The following KCNQ1 variants were observed in gnomAD, a reference collection of about 807,000 sequenced individuals.
KCNQ1 encodes potassium voltage-gated channel subfamily KQT member 1.
A neutral mutation model predicts 72.4 loss-of-function variants in KCNQ1; 49 were observed. The observed-to-expected ratio is 0.68, with a 90% CI of 0.54 to 0.86. The LOEUF (loss-of-function observed/expected upper bound fraction) is 0.86. KCNQ1 is among the 40% of genes least tolerant of loss of function. KCNQ1 has a pLI of 0.00. For missense variants in KCNQ1, 790 were observed against 945.1 expected, an observed-to-expected ratio of 0.84 and a Z score of 2.15; for synonymous variants, 450 against 412.6, an observed-to-expected ratio of 1.09 and a Z score of -1.10.
chr11:2,485,754 C>T (rs889747577), intron 1 of KCNQ1, among the ~76,000 whole-genome samples: 3 of 152,140 alleles, frequency 2.0e-5, no homozygotes, highest in Non-Finnish European at 4.4e-5. Context: ...TTTGACTAAT[C>T]CAGGAACTTC....
rs995481845 is a variant in KCNQ1 at position 2,575,840 on chromosome 11, C to T, written c.921+2854C>T. Among the ~76,000 whole-genome samples the T allele has an allele frequency of 5.9e-5, 9 of 152,276 alleles. No individual in the cohort carries two copies. In the South Asian group the frequency reaches 8.3e-4, roughly 14 times the overall value. ...GTGCTGGAGCTGCCACAACAAAGTC[C>T]GCGAACTGCTGGGCCCAGAGCAACA... On this transcript the variant is annotated intron_variant, in intron 6 of 15. Coordinates refer to ENST00000155840, the MANE Select transcript of KCNQ1 (RefSeq NM_000218.3).
chr11:2,825,729 C>T (rs1034505265), intron 15 of KCNQ1, among the ~76,000 whole-genome samples: 2 of 152,200 alleles, frequency 1.3e-5, no homozygotes, highest in African/African-American at 4.8e-5. Flanking sequence ...GCAGCTCTCC[C>T]AAAGCAGTCA....
chr11:2,739,707 G>A (rs570080841), intron 11 of KCNQ1, among the ~76,000 whole-genome samples: 8 of 152,332 alleles, frequency 5.3e-5, no homozygotes, highest in African/African-American at 1.2e-4. Flanking sequence ...GACATGCTCC[G>A]TCTTAAGGCA....
rs909315089 is a variant in KCNQ1, at chr11:2,695,710, G to A, written c.1514+33629G>A. ...CTTCAGAACGTCTGTGCCTGTCTCCGTCCCCACCTGCAGCACACAGGGAGG... is the reference window on the plus strand; with the variant it reads ...CTTCAGAACGTCTGTGCCTGTCTCCATCCCCACCTGCAGCACACAGGGAGG... On this transcript the variant is annotated intron_variant, in intron 11 of 15. Coordinates refer to ENST00000155840, the MANE Select transcript of KCNQ1 (RefSeq NM_000218.3). This position sits in a 1 kb window ranked among gnomAD's most constrained non-coding sequence, Gnocchi z 5.2. The A allele has an allele frequency of 7.5e-6, 3 of 398,470 alleles. No individual in the cohort carries two copies. The highest frequency in any genetic ancestry group is 4.4e-6 in the Non-Finnish European group (1 of 226,082). 24.7% of individuals were successfully genotyped at this position (398,470 alleles called of 1,614,324 possible).
At chr11:2,692,377 T>C (rs1012722182) in intron 11 of KCNQ1, 8 of 398,672 alleles carry the variant, frequency 2.0e-5, no homozygotes, top group African/African-American at 1.6e-4. Flanking sequence ...CATTCTCACA[T>C]CCCCTGCCCC....
chr11:2,460,286 C>T (rs948551498), intron 1 of KCNQ1, among the ~76,000 whole-genome samples: 43 of 152,224 alleles, frequency 2.8e-4, no homozygotes, highest in African/African-American at 9.2e-4. Context: ...GTGCTGCTGG[C>T]CTGCATTTCT....
At chr11:2,847,253 G>C (rs1019931697) in intron 15 of KCNQ1, among the ~76,000 whole-genome samples, 4 of 152,208 alleles carry the variant, frequency 2.6e-5, no homozygotes, top group African/African-American at 9.6e-5. Flanking sequence ...CTGCCCATGA[G>C]CCAGCCTTGC....
intron 15 of KCNQ1, among the ~76,000 whole-genome samples, chr11:2,797,905 G>T (rs1361645928): frequency 6.6e-6 from 1 of 152,196 alleles, no homozygotes; most frequent in African/African-American, 2.4e-5. Flanking sequence ...TACTGTGCCA[G>T]CCTCCAGGTT....
At position 2,734,458 on chromosome 11, in the gene KCNQ1, G is replaced by A. The variant is rs966307751; in HGVS notation, c.1515-34386G>A. On this transcript the variant is annotated intron_variant, in intron 11 of 15. Coordinates refer to ENST00000155840, the MANE Select transcript of KCNQ1 (RefSeq NM_000218.3). This position sits in a 1 kb window ranked among gnomAD's most constrained non-coding sequence, Gnocchi z 7.0. ...GGGGCCCCGCAGCCAGCTGTGCTGG[G>A]CAAGGCAGGACGGGATCCTTGGTGA... 2.0e-5 allele frequency among the ~76,000 whole-genome samples: 3 copies of A among 152,248 alleles called. No homozygotes were observed. The highest frequency in any genetic ancestry group is 1.5e-5 in the Non-Finnish European group (1 of 68,052).
intron 11 of KCNQ1, chr11:2,675,279 C>A (rs190163949): frequency 5.0e-6 from 2 of 398,566 alleles, no homozygotes; most frequent in Non-Finnish European, 8.8e-6. Flanking sequence ...ACTCACCTCT[C>A]CCAAAAGCAG....
Position 2,669,323 on chromosome 11 carries a change from C to T in KCNQ1, c.1514+7242C>T, listed in dbSNP as rs546651752. ...ATATGCCAGTTGCCATGGAAAGCCT[C>T]CTCTAGGCGCAGCAGCCTCTAGATG... On this transcript the variant is annotated intron_variant, in intron 11 of 15. Transcript: ENST00000155840. This position sits in a 1 kb window ranked among gnomAD's most constrained non-coding sequence, Gnocchi z 5.6. The T allele has an allele frequency of 2.5e-6, 1 of 398,506 alleles. No individual in the cohort carries two copies. The highest frequency in any genetic ancestry group is 1.3e-4 in the South Asian group (1 of 7,856). The allele number at this position is 398,506 out of a possible 1,614,324, so 24.7% of individuals were successfully genotyped here. A position where few individuals can be genotyped will look rare whatever the true frequency, so the allele number is the denominator to read the frequency against.
At chr11:2,546,058 C>G (rs775836585) in intron 2 of KCNQ1, among the ~76,000 whole-genome samples, 1 of 150,438 alleles carries the variant, frequency 6.6e-6, no homozygotes, top group African/African-American at 2.4e-5. Flanking sequence ...TTTTTTTTCT[C>G]GTTTCTTAAG....
intron 10 of KCNQ1, chr11:2,614,132 G>T (rs1849023029): frequency 1.5e-5 from 6 of 398,348 alleles, no homozygotes; most frequent in Admixed American, 4.4e-5. Context: ...TTCCTACCAT[G>T]TCTCTGAGAT....
At chr11:2,644,279 TTTTTCTATA>T (rs1477474582) in intron 10 of KCNQ1, 16 of 398,358 alleles carry the variant, frequency 4.0e-5, no homozygotes, top group Non-Finnish European at 5.8e-5. Context: ...TCTTTTCTAT[TTTTTCTATA>T]TTTTTGTCTG....
At chr11:2,641,956 A>C (rs1185879868) in intron 10 of KCNQ1, 1 of 398,326 alleles carries the variant, frequency 2.5e-6, no homozygotes, top group East Asian at 3.6e-5. Flanking sequence ...ACATGGATTT[A>C]CTTCCAGGTT....
At position 2,767,286 on chromosome 11, in the gene KCNQ1, G is replaced by A. The variant is rs975632254; in HGVS notation, c.1515-1558G>A. On this transcript the variant is annotated intron_variant, in intron 11 of 15. Coordinates refer to ENST00000155840, the MANE Select transcript of KCNQ1 (RefSeq NM_000218.3). This position sits in a 1 kb window ranked among gnomAD's most constrained non-coding sequence, Gnocchi z 4.6. ...TAGCTGAGGCCTCTCTCTTCTCCAT[G>A]TGGCCTCTCTAATCAGCAAGCTTGT... Among the ~76,000 whole-genome samples the A allele has an allele frequency of 6.6e-6, 1 of 152,028 alleles. No individual in the cohort carries two copies. The highest frequency in any genetic ancestry group is 1.5e-5 in the Non-Finnish European group (1 of 68,020).
chr11:2,625,565 C>A, intron 10 of KCNQ1: 1 of 386,708 alleles, frequency 2.6e-6, no homozygotes, highest in Non-Finnish European at 4.5e-6. Flanking sequence ...TACGTCTGTC[C>A]AAGTCCTTTG....
intron 15 of KCNQ1, among the ~76,000 whole-genome samples, chr11:2,839,505 C>T (rs1035102257): frequency 6.6e-5 from 10 of 152,102 alleles, no homozygotes; most frequent in African/African-American, 1.5e-4. Flanking sequence ...CATGTGGCAC[C>T]GGCTCATGTC....
rs953729810 is a variant in KCNQ1, at chr11:2,725,944, G to A, written c.1515-42900G>A. Among the ~76,000 whole-genome samples, 3 of 152,178 alleles carry A rather than the reference G, an allele frequency of 2.0e-5. No homozygotes were observed. The highest frequency in any genetic ancestry group is 4.8e-5 in the African/African-American group (2 of 41,442). On this transcript the variant is annotated intron_variant, in intron 11 of 15. Coordinates refer to ENST00000155840, the MANE Select transcript of KCNQ1 (RefSeq NM_000218.3). This position sits in a 1 kb window ranked among gnomAD's most constrained non-coding sequence, Gnocchi z 7.2. ...TGAACTAACTGAAACCCTAACCTTC[G>A]GGCTTCCCCACTAATTTGTGATAAG... is the stretch of plus-strand genomic sequence containing the variant.
Sources: allele counts gnomAD v4.1 joint callset (sites outside exome capture counted in the v4.1 genomes callset), GRCh38; gene constraint gnomAD v4.1.1; non-coding constraint Gnocchi (gnomAD v3.1); transcripts MANE v1.5; gene names NCBI Gene and HGNC (gene_info 2026-07-23, HGNC 2026-07-21).